RTTN: variants seen among roughly 807,000 people sequenced by gnomAD.
RTTN encodes rotatin.
In RTTN, 182 loss-of-function variants were observed where a neutral mutation model predicts 269.2. The observed-to-expected ratio is 0.68, with a 90% CI of 0.60 to 0.76. The LOEUF (loss-of-function observed/expected upper bound fraction) is 0.76, where lower values mean the gene tolerates loss of function less well. Ranked by LOEUF, RTTN falls within the 30% of genes least tolerant of loss-of-function variation. The pLI is 0.00. For missense variants in RTTN, 2,545 were observed against 2,608.6 expected (o/e 0.98, Z 0.53); for synonymous variants, 1,006 against 963.5 (o/e 1.04, Z -0.82).
At chr18:70,136,867 T>C (rs559528762) in intron 21 of RTTN, among the ~76,000 whole-genome samples, 275 of 152,202 alleles carry the variant, frequency 1.8e-3, no homozygotes, top group African/African-American at 6.4e-3. Context: ...CCCAGTAACA[T>C]AGCAAACTGA....
Position 70,169,086 on chromosome 18 carries a change from C to T in RTTN, c.1477-19G>A. The T allele has an allele frequency of 1.3e-6, 2 of 1,541,004 alleles. No homozygotes were observed. The highest frequency in any genetic ancestry group is 8.7e-7 in the Non-Finnish European group (1 of 1,145,712). On this transcript the variant is annotated intron_variant, in intron 11 of 48. Coordinates refer to ENST00000640769, the MANE Select transcript of RTTN (RefSeq NM_173630.4). ...CGCTTGCCTTGGTGAATTAAAAAAA[C>T]AAAAAAATTAAAACTTTGTTTAAAA...
intron 17 of RTTN, 26 bp downstream of exon 17, chr18:70,148,875 C>T (rs751868903): frequency 1.5e-5 from 24 of 1,609,968 alleles, no homozygotes; most frequent in Admixed American, 5.0e-5. Context: ...CAATCTTTGA[C>T]GTTCACAAGA....
chr18:70,054,178 A>T lies in RTTN; in HGVS notation c.5138T>A (p.Ile1713Asn). ...GGTGAGAATTCCAATGATATTGGTGATAAGAGGTTTCACAAGCTCATCCTG... is the reference window on the plus strand; with the variant it reads ...GGTGAGAATTCCAATGATATTGGTGTTAAGAGGTTTCACAAGCTCATCCTG... ...VIQDELVKPL[I>N]TNIIGILTIC... Residue 1713 changes from isoleucine (I) to asparagine (N), a missense_variant, in exon 38 of 49, where the codon ATC (isoleucine) becomes AAC (asparagine). Physicochemically the swap from Ile to Asn is moderately radical, Grantham distance 149. Transcript: ENST00000640769. 6.2e-7 allele frequency: 1 copy of T among 1,613,802 alleles called. No individual in the cohort carries two copies. The highest frequency in any genetic ancestry group is 8.5e-7 in the Non-Finnish European group (1 of 1,179,724).
intron 34 of RTTN, among the ~76,000 whole-genome samples, chr18:70,073,341 T>C (rs1319441083): frequency 6.6e-6 from 1 of 152,112 alleles, no homozygotes; most frequent in Non-Finnish European, 1.5e-5. Flanking sequence ...CAGGCATATA[T>C]AAATTTCAGG....
At chr18:70,191,693 T>A (rs967603446) in intron 8 of RTTN, among the ~76,000 whole-genome samples, 1 of 152,226 alleles carries the variant, frequency 6.6e-6, no homozygotes, top group African/African-American at 2.4e-5. Flanking sequence ...TCTTTTGATG[T>A]TATCCACAAC....
chr18:70,171,797 GA>G (rs2061150399), intron 11 of RTTN, among the ~76,000 whole-genome samples: 1 of 152,212 alleles, frequency 6.6e-6, no homozygotes, highest in Non-Finnish European at 1.5e-5. Context: ...GAGTCTGTTA[GA>G]AATGCCGGCT....
intron 25 of RTTN, 22 bp downstream of exon 25, chr18:70,127,480 G>A (rs776804668): frequency 2.5e-6 from 4 of 1,608,268 alleles, no homozygotes; most frequent in Non-Finnish European, 3.4e-6. Flanking sequence ...TTTGAAACTG[G>A]CAGCCTTGAC....
intron 39 of RTTN, among the ~76,000 whole-genome samples, chr18:70,049,049 C>A (rs969999150): frequency 6.6e-6 from 1 of 152,214 alleles, no homozygotes; most frequent in Admixed American, 6.5e-5. Flanking sequence ...TTTATTTTAT[C>A]ACTAAAGAAA....
chr18:70,135,930 C>T (rs1287260014), intron 21 of RTTN, among the ~76,000 whole-genome samples: 2 of 152,108 alleles, frequency 1.3e-5, no homozygotes, highest in Non-Finnish European at 2.9e-5. Flanking sequence ...GATCCCAATG[C>T]TACAATCTCC....
At chr18:70,184,716 T>TTTGTGTGTGTG (rs59000945) in intron 10 of RTTN, among the ~76,000 whole-genome samples, 19 of 33,452 alleles carry the variant, frequency 5.7e-4, no homozygotes, top group African/African-American at 8.3e-4. Context: ...TTTTTTTTTT[T>TTTGTGTGTGTG]TGTGTGTGTG....
At chr18:70,078,613 A>G (rs187937382) in intron 32 of RTTN, among the ~76,000 whole-genome samples, 81 of 152,068 alleles carry the variant, frequency 5.3e-4, no homozygotes, top group African/African-American at 1.9e-3. Context: ...ACATACATAC[A>G]AATACCAGAA....
intron 10 of RTTN, among the ~76,000 whole-genome samples, chr18:70,184,911 G>T (rs56256210): frequency 1.3e-5 from 2 of 150,922 alleles, no homozygotes; most frequent in African/African-American, 4.9e-5. Flanking sequence ...AAAAAAACAA[G>T]AACAAAGTTG....
rs2062055268 is a variant in RTTN, at chr18:70,205,491, G to A, written c.31+137C>T. On this transcript the variant is annotated intron_variant, in intron 1 of 48. Coordinates refer to ENST00000640769, the MANE Select transcript of RTTN (RefSeq NM_173630.4). The stretch of plus-strand genomic sequence containing the variant: ...TACACAAAGTCCGAGATGGGTCCCC[G>A]GGGGCTATCCTGACAAAGCGGGGGT... 2.2e-6 allele frequency: 3 copies of A among 1,344,442 alleles called. No homozygotes were observed. In the South Asian group the frequency reaches 3.6e-5, roughly 16 times the overall value. 83.3% of individuals were successfully genotyped at this position (1,344,442 alleles called of 1,614,324 possible).
chr18:70,003,842 T>G lies in RTTN; in HGVS notation c.*309A>C. 5.0e-6 allele frequency: 1 copy of G among 200,230 alleles called. No individual in the cohort carries two copies. The highest frequency in any genetic ancestry group is 1.1e-4 in the East Asian group (1 of 8,978). 12.4% of individuals were successfully genotyped at this position (200,230 alleles called of 1,614,324 possible). A position where few individuals can be genotyped will look rare whatever the true frequency, so the allele number is the denominator to read the frequency against. On this transcript the variant is annotated 3_prime_UTR_variant, in exon 49 of 49. Transcript: ENST00000640769. ...AAAATATTGTTTTATTAAATAACTG[T>G]TAAATAGGATTTTTACAAAATAAAT...
chr18:70,106,762 T>TTATA (rs1459439686), intron 28 of RTTN, among the ~76,000 whole-genome samples: 1 of 152,038 alleles, frequency 6.6e-6, no homozygotes, highest in Non-Finnish European at 1.5e-5. Flanking sequence ...TAGGTAGAGA[T>TTATA]TATATGATGT....
At chr18:70,156,891 T>A (rs2060693001) in intron 14 of RTTN, among the ~76,000 whole-genome samples, 1 of 152,178 alleles carries the variant, frequency 6.6e-6, no homozygotes, top group Non-Finnish European at 1.5e-5. Flanking sequence ...CCCACAAGAC[T>A]GGGCCAACCT....
At chr18:70,037,614 T>G (rs974966394) in intron 40 of RTTN, among the ~76,000 whole-genome samples, 3 of 152,204 alleles carry the variant, frequency 2.0e-5, no homozygotes, top group African/African-American at 7.2e-5. Context: ...AGCAGCAATA[T>G]CCAGATAGTA....
chr18:70,187,675 G>T (rs1239353819), intron 10 of RTTN, among the ~76,000 whole-genome samples: 4 of 152,136 alleles, frequency 2.6e-5, no homozygotes, highest in African/African-American at 7.2e-5. Context: ...TAATATTGCT[G>T]TTCTGAAACT....
chr18:70,205,609 G>A lies in RTTN; in HGVS notation c.31+19C>T. Reference sequence around the variant, plus strand: ...AGAGCGCGGGGGGTGCCTTGGGCGAGGGGCAAGCTGACAGTTACCGAGTTT... The same window carrying A: ...AGAGCGCGGGGGGTGCCTTGGGCGAAGGGCAAGCTGACAGTTACCGAGTTT... On this transcript the variant is annotated intron_variant, in intron 1 of 48. Transcript: ENST00000640769. The A allele has an allele frequency of 2.5e-6, 4 of 1,614,052 alleles. No individual in the cohort carries two copies. The South Asian group carries it at 4.4e-5, about 18-fold the overall frequency.
Sources: allele counts gnomAD v4.1 joint callset (sites outside exome capture counted in the v4.1 genomes callset), GRCh38; gene constraint gnomAD v4.1.1; transcripts MANE v1.5; gene names NCBI Gene and HGNC (gene_info 2026-07-23, HGNC 2026-07-21).